GPC5: variants seen among roughly 807,000 people sequenced by gnomAD.
GPC5 encodes the protein glypican 5.
Under a neutral mutation model 53.9 loss-of-function variants are expected in GPC5, and 47 were observed. The ratio of observed to expected loss-of-function variants is 0.87; its 90% CI spans 0.69 to 1.11. GPC5 has a LOEUF of 1.11. Among genes scored for constraint, GPC5 ranks in the 50% most tolerant of loss-of-function variants. The pLI, the probability that GPC5 is intolerant of heterozygous loss-of-function variation, is 0.00. For missense variants in GPC5, 748 were observed against 713.1 expected, an observed-to-expected ratio of 1.05 and a Z score of -0.56; for synonymous variants, 286 against 263.3, an observed-to-expected ratio of 1.09 and a Z score of -0.84.
intron 2 of GPC5, among the ~76,000 whole-genome samples, chr13:91,617,051 A>T (rs959025217): frequency 1.3e-5 from 2 of 152,174 alleles, no homozygotes; most frequent in African/African-American, 2.4e-5. Context: ...GGATCTTTTT[A>T]GCATTAAATC....
intron 7 of GPC5, chr13:92,701,287 T>G (rs962942323): frequency 5.9e-5 from 9 of 152,140 alleles, no homozygotes. Context: ...TGTAGTATTC[T>G]TCATGAACCA....
At chr13:91,925,344 T>A (rs190550055) in intron 6 of GPC5, among the ~76,000 whole-genome samples, 1 of 152,334 alleles carries the variant, frequency 6.6e-6, no homozygotes, top group Admixed American at 6.5e-5. Flanking sequence ...TATCATATAC[T>A]TAACTGTTTA....
chr13:92,289,016 T>C (rs2042975724), intron 7 of GPC5, among the ~76,000 whole-genome samples: 1 of 152,048 alleles, frequency 6.6e-6, no homozygotes, highest in Non-Finnish European at 1.5e-5. Context: ...CATCTGTGAA[T>C]ACTGAAAGTG....
chr13:92,642,382 G>A (rs1453454025), intron 7 of GPC5, among the ~76,000 whole-genome samples: 1 of 152,116 alleles, frequency 6.6e-6, no homozygotes, highest in African/African-American at 2.4e-5. Flanking sequence ...GCCTCCTCTT[G>A]GCGGTCTTTG....
Position 92,643,297 on chromosome 13 carries a change from C to T in GPC5, c.1562-222985C>T, listed in dbSNP as rs373371770. Among the ~76,000 whole-genome samples, 10 of 152,288 alleles carry T rather than the reference C, an allele frequency of 6.6e-5. No homozygotes were observed. The South Asian group carries it at 2.1e-3, about 32-fold the overall frequency. ...TGGTGTTTTGGACATGAAGTCCTTGCCCATGCCTATGTCCTGAATGGTAAT... is the reference window on the plus strand; with the variant it reads ...TGGTGTTTTGGACATGAAGTCCTTGTCCATGCCTATGTCCTGAATGGTAAT... On this transcript the variant is annotated intron_variant, in intron 7 of 7. Transcript: ENST00000377067.
chr13:92,069,374 A>G lies in GPC5; in HGVS notation c.1402-75456A>G, dbSNP rs538584730. ...TCTTACTATAAAGTTATGCCTAAAA[A>G]TATCACAGCTTTATTATCATAATGT... On this transcript the variant is annotated intron_variant, in intron 6 of 7. Coordinates refer to ENST00000377067, the MANE Select transcript of GPC5 (RefSeq NM_004466.6). Among the ~76,000 whole-genome samples the G allele has an allele frequency of 1.3e-4, 20 of 151,842 alleles. No homozygotes were observed. The South Asian group carries it at 4.2e-3, about 32-fold the overall frequency.
chr13:91,582,216 A>G (rs2032390092), intron 2 of GPC5, among the ~76,000 whole-genome samples: 1 of 152,218 alleles, frequency 6.6e-6, no homozygotes, highest in Non-Finnish European at 1.5e-5. Context: ...GTAGAAATAA[A>G]GTGTTTCTCC....
At chr13:92,735,601 G>A (rs2139303819) in intron 7 of GPC5, among the ~76,000 whole-genome samples, 1 of 152,028 alleles carries the variant, frequency 6.6e-6, no homozygotes, top group Middle Eastern at 3.4e-3. Flanking sequence ...ATTCTTCAGT[G>A]AGAAAATGGA....
intron 2 of GPC5, among the ~76,000 whole-genome samples, chr13:91,600,344 A>T (rs1455005377): frequency 0.06 from 3,705 of 61,942 alleles, 147 homozygotes; most frequent in African/African-American, 0.16. Flanking sequence ...AGAGAGAGAG[A>T]GAGAGTGTGT....
At chr13:91,854,109 C>T (rs1485475587) in intron 5 of GPC5, among the ~76,000 whole-genome samples, 1 of 131,568 alleles carries the variant, frequency 7.6e-6, no homozygotes, top group Non-Finnish European at 1.7e-5. Flanking sequence ...GTTCTATGAG[C>T]AAGTAGGAAA....
intron 7 of GPC5, among the ~76,000 whole-genome samples, chr13:92,663,825 TAC>T (rs796812794): frequency 1.6e-5 from 2 of 126,846 alleles, no homozygotes; most frequent in Admixed American, 1.6e-4. Flanking sequence ...TATATATATA[TAC>T]ACACACTATA....
At chr13:92,229,281 TTTAAAA>T (rs1325508977) in intron 7 of GPC5, among the ~76,000 whole-genome samples, 1 of 152,124 alleles carries the variant, frequency 6.6e-6, no homozygotes, top group Non-Finnish European at 1.5e-5. Flanking sequence ...TCATAATAAT[TTTAAAA>T]TTGAAATACT....
chr13:92,628,264 C>CTTTTTTTT (rs71123419), intron 7 of GPC5, among the ~76,000 whole-genome samples: 672 of 45,280 alleles, frequency 0.015, 90 homozygotes, highest in Non-Finnish European at 0.017. Flanking sequence ...CTTTTTCTTT[C>CTTTTTTTT]TTTTTTTTTT....
intron 7 of GPC5, among the ~76,000 whole-genome samples, chr13:92,763,341 G>A (rs1330323248): frequency 6.6e-6 from 1 of 150,696 alleles, no homozygotes; most frequent in Non-Finnish European, 1.5e-5. Flanking sequence ...AGATGAAGGG[G>A]TACAGCTTCC....
chr13:92,547,271 A>G (rs571985705), intron 7 of GPC5, among the ~76,000 whole-genome samples: 1 of 152,334 alleles, frequency 6.6e-6, no homozygotes, highest in Admixed American at 6.5e-5. Flanking sequence ...ATAATAATAA[A>G]CATAACATTG....
chr13:91,964,120 G>C (rs557972075), intron 6 of GPC5, among the ~76,000 whole-genome samples: 2 of 152,156 alleles, frequency 1.3e-5, no homozygotes, highest in Non-Finnish European at 1.5e-5. Flanking sequence ...GAGGTCTCCA[G>C]AGTTTCTTCC....
intron 2 of GPC5, among the ~76,000 whole-genome samples, chr13:91,651,955 A>G (rs2034721817): frequency 6.6e-6 from 1 of 152,202 alleles, no homozygotes; most frequent in African/African-American, 2.4e-5. Context: ...AGAAAGATAC[A>G]GATTCCTTGC....
intron 7 of GPC5, among the ~76,000 whole-genome samples, chr13:92,488,019 A>G (rs1879621371): frequency 6.6e-6 from 1 of 151,998 alleles, no homozygotes; most frequent in Non-Finnish European, 1.5e-5. Flanking sequence ...GAAGTCATCA[A>G]ACTGTATACT....
intron 5 of GPC5, among the ~76,000 whole-genome samples, chr13:91,819,162 T>G (rs1053167946): frequency 4.5e-5 from 6 of 134,134 alleles, no homozygotes; most frequent in Non-Finnish European, 8.0e-5. Context: ...TTTTTTTTTT[T>G]TTTTTTTTTT....
Sources: allele counts gnomAD v4.1 joint callset (sites outside exome capture counted in the v4.1 genomes callset), GRCh38; gene constraint gnomAD v4.1.1; transcripts MANE v1.5; gene names NCBI Gene and HGNC (gene_info 2026-07-23, HGNC 2026-07-21).